CLN6: variants seen among roughly 807,000 people sequenced by gnomAD.
CLN6 encodes the protein CLN6 transmembrane ER protein, also known as ceroid-lipofuscinosis neuronal protein 6.
A neutral mutation model predicts 33.3 loss-of-function variants in CLN6; 22 were observed. The ratio of observed to expected loss-of-function variants is 0.66; its 90% CI spans 0.47 to 0.94. The LOEUF (loss-of-function observed/expected upper bound fraction) is 0.94, where lower values mean the gene tolerates loss of function less well. CLN6 is among the 40% of genes least tolerant of loss of function. The pLI is 0.00. For missense variants in CLN6, 387 were observed against 417.1 expected (o/e 0.93, Z 0.63); for synonymous variants, 201 against 174.6 (o/e 1.15, Z -1.19).
chr15:68,256,786 C>T lies in CLN6; in HGVS notation c.83G>A (p.Gly28Glu). The T allele has an allele frequency of 1.4e-6, 1 of 702,086 alleles. No homozygotes were observed. The highest frequency in any genetic ancestry group is 1.5e-5 in the South Asian group (1 of 67,550). The allele number at this position is 702,086 out of a possible 1,614,324, so 43.5% of individuals were successfully genotyped here. ...GGCTCGGCTCAAGCCCGCCTCGCCT[C>T]CCTCCCTCCTAGGGATGGCTCCCAG... Residue 28 changes from glycine (G) to glutamate (E), a missense_variant, in exon 1 of 7, where the codon GGA becomes GAA. By Grantham distance (98) the Gly-to-Glu change is moderately conservative (BLOSUM62 -2). Coordinates refer to the CLN6 transcript ENST00000538696. This position sits in a 1 kb window ranked among gnomAD's most constrained non-coding sequence, Gnocchi z 4.1.
At chr15:68,230,881 C>G (rs1372288789), upstream of CLN6, among the ~76,000 whole-genome samples, 2 of 152,180 alleles carry the variant, frequency 1.3e-5, no homozygotes, top group African/African-American at 4.8e-5. This position sits in a 1 kb window ranked among gnomAD's most constrained non-coding sequence, Gnocchi z 4.0. Context: ...TTCTCCCCAC[C>G]ACCCCCGTGC....
intron 1 of CLN6, chr15:68,254,670 A>G (rs1275770301): frequency 2.8e-6 from 2 of 726,254 alleles, no homozygotes; most frequent in Non-Finnish European, 2.5e-6. Flanking sequence ...GCTAAAGGAG[A>G]TAAAACCAAG....
chr15:68,214,263 G>GA (rs1491431986), intron 3 of CLN6, 27 bp downstream of exon 3: 8 of 1,539,174 alleles, frequency 5.2e-6, no homozygotes, highest in Non-Finnish European at 6.3e-6. Flanking sequence ...GGGATGACAG[G>GA]AGAGAGTGGG....
At chr15:68,231,378 G>C (rs1393703886), upstream of CLN6, among the ~76,000 whole-genome samples, 1 of 152,220 alleles carries the variant, frequency 6.6e-6, no homozygotes, top group East Asian at 1.9e-4. Flanking sequence ...TTTTGTAGCA[G>C]AGAAAAACCT....
At chr15:68,255,024 T>G in intron 1 of CLN6, 1 of 681,952 alleles carries the variant, frequency 1.5e-6, no homozygotes, top group Non-Finnish European at 2.7e-6. Context: ...GCTATGTTGT[T>G]AGCACACAGA....
At chr15:68,253,869 C>A (rs974228249) in intron 1 of CLN6, among the ~76,000 whole-genome samples, 20 of 74,008 alleles carry the variant, frequency 2.7e-4, no homozygotes, top group African/African-American at 1.3e-3. Flanking sequence ...GATAAAACTA[C>A]ATTTTTTTTT....
chr15:68,256,790 C>G lies in CLN6; in HGVS notation c.79G>C (p.Glu27Gln), dbSNP rs1304591515. 1 of 702,248 alleles carries G rather than the reference C, an allele frequency of 1.4e-6. No homozygotes were observed. Among genetic ancestry groups the G allele is most frequent in the Admixed American group, 2.0e-5 (1 of 50,006 alleles). 43.5% of individuals were successfully genotyped at this position (702,248 alleles called of 1,614,324 possible). A position where few individuals can be genotyped will look rare whatever the true frequency, so the allele number is the denominator to read the frequency against. ...CGGCTCAAGCCCGCCTCGCCTCCCT[C>G]CCTCCTAGGGATGGCTCCCAGTGTC... The change falls in exon 1 of 7, where the codon GAG becomes CAG. Residue 27 changes from glutamate to glutamine, a missense_variant. Glu to Gln is a conservative substitution (Grantham distance 29). Transcript: ENST00000538696. The surrounding 1 kb of genome is among the most constrained non-coding windows in gnomAD (Gnocchi z 4.1).
rs1195799673 is a variant in CLN6 at position 68,248,703 on chromosome 15, GA to G, written c.179+7986del. The stretch of plus-strand genomic sequence containing the variant: ...ACCTAAAACTACGAAACCACTAGAA[GA>G]AAACCTTGGGGAAATGCTCCAGGAC... On this transcript the variant is annotated intron_variant, in intron 1 of 6. Coordinates refer to the CLN6 transcript ENST00000538696. Among the ~76,000 whole-genome samples the G allele has an allele frequency of 2.1e-4, 31 of 149,454 alleles. 1 individual carries two copies. The highest frequency in any genetic ancestry group is 1.7e-3 in the Admixed American group (25 of 14,942).
rs2093192687 is a variant in CLN6, at chr15:68,208,058, C to T, written c.*82G>A. 6.8e-7 allele frequency: 1 copy of T among 1,476,538 alleles called. No homozygotes were observed. The highest frequency in any genetic ancestry group is 9.2e-7 in the Non-Finnish European group (1 of 1,084,798). The allele number at this position is 1,476,538 out of a possible 1,614,324, so 91.5% of individuals were successfully genotyped here. ...CTCTCGGTCTCTGGTTACACACCCA[C>T]ACCCCCCCTACTCCTGTATTCAGAT... is the stretch of plus-strand genomic sequence containing the variant. On this transcript the variant is annotated 3_prime_UTR_variant, in exon 7 of 7. Coordinates refer to ENST00000249806, the MANE Select transcript of CLN6 (RefSeq NM_017882.3). The surrounding 1 kb of genome is among the most constrained non-coding windows in gnomAD (Gnocchi z 5.8).
At position 68,209,849 on chromosome 15, in the gene CLN6, TGCCAC is replaced by T; in HGVS notation, c.543-95_543-91del. 1 of 1,565,316 alleles carries T rather than the reference TGCCAC, an allele frequency of 6.4e-7. No individual in the cohort carries two copies. The highest frequency in any genetic ancestry group is 8.7e-7 in the Non-Finnish European group (1 of 1,143,912). On this transcript the variant is annotated intron_variant, in intron 5 of 6. Transcript: ENST00000249806. This position sits in a 1 kb window ranked among gnomAD's most constrained non-coding sequence, Gnocchi z 4.9. Reference sequence around the variant, plus strand: ...ACCACTCCCATGGGGTCTCATGGAGTGCCACGTCACAGTTTACAAAACGCCTAGCC... The same window carrying T: ...ACCACTCCCATGGGGTCTCATGGAGTGTCACAGTTTACAAAACGCCTAGCC...
At chr15:68,240,535 A>T (rs138829811) in intron 1 of CLN6, among the ~76,000 whole-genome samples, 1 of 152,326 alleles carries the variant, frequency 6.6e-6, no homozygotes, top group East Asian at 1.9e-4. Flanking sequence ...CAGGAAGCAG[A>T]GGTTGCCCTG....
At position 68,211,690 on chromosome 15, in the gene CLN6, G is replaced by T; in HGVS notation, c.471C>A (p.Leu157=). 6.2e-7 allele frequency: 1 copy of T among 1,613,724 alleles called. No homozygotes were observed. Among genetic ancestry groups the T allele is most frequent in the South Asian group, 1.1e-5 (1 of 91,052 alleles). The part of the protein sequence containing the change: ...SVRENPIIKN[L]KPETLIDSFE... ...GTGGCCTCACCAGCGTCTCCGGCTT[G>T]AGATTCTTGATGATGGGGTTCTCAC... is the stretch of plus-strand genomic sequence containing the variant. Residue 157 remains leucine, a synonymous_variant, in exon 4 of 7, where the codon CTC becomes CTA. Coordinates refer to ENST00000249806, the MANE Select transcript of CLN6 (RefSeq NM_017882.3). The surrounding 1 kb of genome is among the most constrained non-coding windows in gnomAD (Gnocchi z 5.9).
intron 1 of CLN6, among the ~76,000 whole-genome samples, chr15:68,237,082 G>A (rs910099037): frequency 6.7e-5 from 10 of 149,862 alleles, no homozygotes; most frequent in Admixed American, 2.7e-4. Context: ...GCGTGAACCC[G>A]GGAAGCGGAG....
chr15:68,232,893 C>T (rs1007829127), upstream of CLN6, among the ~76,000 whole-genome samples: 24 of 152,062 alleles, frequency 1.6e-4, no homozygotes, highest in African/African-American at 4.8e-4. The surrounding 1 kb of genome is among the most constrained non-coding windows in gnomAD (Gnocchi z 4.7). Flanking sequence ...AATACAAAAA[C>T]GAACTGGGTG....
intron 1 of CLN6, among the ~76,000 whole-genome samples, chr15:68,253,149 AG>A (rs1892396537): frequency 6.6e-6 from 1 of 152,228 alleles, no homozygotes; most frequent in Admixed American, 6.5e-5. Context: ...TGAATGGGAA[AG>A]GCTGGTGTAA....
In CLN6 at chr15:68,208,052, C is replaced by T. The variant is rs886051446; in HGVS notation, c.*88G>A. ...CTCATGCTCTCGGTCTCTGGTTACA[C>T]ACCCACACCCCCCCTACTCCTGTAT... On this transcript the variant is annotated 3_prime_UTR_variant, in exon 7 of 7. Coordinates refer to ENST00000249806, the MANE Select transcript of CLN6 (RefSeq NM_017882.3). This position sits in a 1 kb window ranked among gnomAD's most constrained non-coding sequence, Gnocchi z 5.8. The T allele has an allele frequency of 3.0e-5, 44 of 1,446,244 alleles. 1 individual carries two copies. In the East Asian group the frequency reaches 1.1e-3, roughly 35 times the overall value. The allele number at this position is 1,446,244 out of a possible 1,614,324, so 89.6% of individuals were successfully genotyped here. A position where few individuals can be genotyped will look rare whatever the true frequency, so the allele number is the denominator to read the frequency against.
chr15:68,218,980 G>A (rs1260651843), intron 1 of CLN6, among the ~76,000 whole-genome samples: 1 of 152,222 alleles, frequency 6.6e-6, no homozygotes, highest in Non-Finnish European at 1.5e-5. Flanking sequence ...CATGAAACTT[G>A]ATGATGGATC....
chr15:68,235,310 T>A (rs1892208579), intron 1 of CLN6, among the ~76,000 whole-genome samples: 1 of 152,106 alleles, frequency 6.6e-6, no homozygotes. Flanking sequence ...ACCACACAAC[T>A]GCCTGAACGG....
intron 2 of CLN6, among the ~76,000 whole-genome samples, chr15:68,216,658 A>G (rs1383380150): frequency 6.6e-6 from 1 of 152,224 alleles, no homozygotes; most frequent in East Asian, 1.9e-4. Context: ...GCCAGGAAAC[A>G]TTCTCTATAA....
Sources: allele counts gnomAD v4.1 joint callset (sites outside exome capture counted in the v4.1 genomes callset), GRCh38; gene constraint gnomAD v4.1.1; non-coding constraint Gnocchi (gnomAD v3.1); transcripts MANE v1.5; gene names NCBI Gene and HGNC (gene_info 2026-07-23, HGNC 2026-07-21).